TJP2: variants seen among roughly 807,000 people sequenced by gnomAD.
TJP2 encodes the protein tight junction protein 2.
Under a neutral mutation model 133.1 loss-of-function variants are expected in TJP2, and 91 were observed. The ratio of observed to expected loss-of-function variants is 0.68; its 90% CI spans 0.58 to 0.81. The LOEUF is 0.81. Among genes scored for constraint, TJP2 ranks in the 40% least tolerant of loss-of-function variants. TJP2 has a pLI of 0.00. For missense variants in TJP2, 1,541 were observed against 1,565.6 expected (o/e 0.98, Z 0.26); for synonymous variants, 592 against 583.4 (o/e 1.01, Z -0.21).
chr9:69,227,794 T>C lies in TJP2; in HGVS notation c.1240T>C (p.Phe414Leu). Residue 414 changes from phenylalanine to leucine, a missense_variant, in exon 8 of 23, where the codon TTT becomes CTT. Physicochemically the swap from Phe to Leu is conservative, Grantham distance 22 (BLOSUM62 0). Transcript: ENST00000377245. ...DISEIESNRS[F>L]SPEERRHQYS... is the part of the protein sequence containing the mutation. ...TTCAGAAATAGAGTCAAACCGATCA[T>C]TTTCTCCAGAGGAGAGACGTCATCA... 1 of 1,613,182 alleles carries C rather than the reference T, an allele frequency of 6.2e-7. No homozygotes were observed. The highest frequency in any genetic ancestry group is 8.5e-7 in the Non-Finnish European group (1 of 1,179,270).
At chr9:69,172,212 C>T (rs1824727426), upstream of TJP2, among the ~76,000 whole-genome samples, 1 of 152,202 alleles carries the variant, frequency 6.6e-6, no homozygotes, top group South Asian at 2.1e-4. Flanking sequence ...TTTACACTGC[C>T]ACCAGCAAAA....
chr9:69,171,998 T>C (rs1431566903), upstream of TJP2, among the ~76,000 whole-genome samples: 2 of 152,060 alleles, frequency 1.3e-5, no homozygotes, highest in African/African-American at 4.8e-5. Context: ...GGTCTCACCA[T>C]GTTGGCCAGG....
At chr9:69,174,246 G>A, upstream of TJP2, 1 of 1,516,690 alleles carries the variant, frequency 6.6e-7, no homozygotes, top group South Asian at 1.3e-5. Context: ...GGTCCCCGCG[G>A]GTCGGCACCC....
At chr9:69,232,516 T>C (rs1023725069) in intron 11 of TJP2, among the ~76,000 whole-genome samples, 1 of 152,242 alleles carries the variant, frequency 6.6e-6, no homozygotes, top group Admixed American at 6.5e-5. Context: ...TCAATGCTCC[T>C]TTTCATGGCC....
intron 4 of TJP2, 67 bp downstream of exon 4, chr9:69,218,426 C>T (rs1261325289): frequency 1.7e-6 from 2 of 1,177,436 alleles, no homozygotes; most frequent in Admixed American, 3.6e-5. Flanking sequence ...AAGAAAATTA[C>T]CCCTTGCTTT....
chr9:69,251,446 T>C, intron 21 of TJP2, 82 bp downstream of exon 21: 2 of 1,439,716 alleles, frequency 1.4e-6, no homozygotes, highest in Non-Finnish European at 1.9e-6. Context: ...GCCCCTTTGC[T>C]GCTGCTGCAG....
chr9:69,122,285 G>C (rs1024334250), intron 1 of TJP2: 1 of 152,266 alleles, frequency 6.6e-6, no homozygotes, highest in Non-Finnish European at 1.5e-5. Context: ...GACGCGGGCG[G>C]AGCGCGGCGC....
intron 3 of TJP2, 23 bp downstream of exon 3, chr9:69,216,486 C>T: frequency 6.2e-7 from 1 of 1,613,516 alleles, no homozygotes; most frequent in Non-Finnish European, 8.5e-7. Flanking sequence ...CCTCGCTCCG[C>T]AGCCCCTACC....
chr9:69,135,488 T>G (rs1822691142), intron 1 of TJP2, among the ~76,000 whole-genome samples: 1 of 152,170 alleles, frequency 6.6e-6, no homozygotes. Context: ...TCACCCAGGC[T>G]GGAGTACAGT....
At chr9:69,179,195 G>A (rs144914321) in intron 1 of TJP2, among the ~76,000 whole-genome samples, 49 of 152,282 alleles carry the variant, frequency 3.2e-4, no homozygotes, top group African/African-American at 1.1e-3. Context: ...GAAATCCTAA[G>A]CTTTCAATTA....
At chr9:69,247,901 C>T (rs41308892) in intron 18 of TJP2, 111 bp from the exon 19 acceptor site, 146 of 1,052,162 alleles carry the variant, frequency 1.4e-4, no homozygotes, top group Non-Finnish European at 7.7e-5. Flanking sequence ...CCTTCCCTGG[C>T]GAGCACATCA....
chr9:69,248,513 C>T (rs1831094461), intron 19 of TJP2: 12 of 1,293,614 alleles, frequency 9.3e-6, no homozygotes, highest in Non-Finnish European at 1.2e-5. Context: ...GTCCAAATTA[C>T]CAGCGGAACC....
chr9:69,139,723 G>A (rs1822928697), intron 1 of TJP2, among the ~76,000 whole-genome samples: 1 of 152,200 alleles, frequency 6.6e-6, no homozygotes, highest in African/African-American at 2.4e-5. Context: ...TCATGGCACA[G>A]CCACCATCTC....
chr9:69,197,441 G>A (rs1054751004), intron 1 of TJP2, among the ~76,000 whole-genome samples: 1 of 152,088 alleles, frequency 6.6e-6, no homozygotes. Context: ...ATGAACATTT[G>A]TATACAAGTT....
chr9:69,192,579 G>C (rs1826276232), intron 1 of TJP2, among the ~76,000 whole-genome samples: 1 of 152,196 alleles, frequency 6.6e-6, no homozygotes, highest in African/African-American at 2.4e-5. Context: ...TTTGGTGGTG[G>C]TTTGTTGCTC....
chr9:69,248,946 T>C, intron 19 of TJP2: 1 of 990,228 alleles, frequency 1.0e-6, no homozygotes, highest in Non-Finnish European at 1.2e-6. Flanking sequence ...GTAAATGATT[T>C]TTTTCTTTAT....
chr9:69,232,007 GA>G (rs1829820582), intron 11 of TJP2, among the ~76,000 whole-genome samples: 1 of 152,200 alleles, frequency 6.6e-6, no homozygotes, highest in Admixed American at 6.5e-5. Context: ...AAATTTCCGT[GA>G]AGAAAAGTAG....
At position 69,248,498 on chromosome 9, in the gene TJP2, C is replaced by T. The variant is rs954953629; in HGVS notation, c.2880+274C>T. On this transcript the variant is annotated intron_variant, in intron 19 of 22. Coordinates refer to ENST00000377245, the MANE Select transcript of TJP2 (RefSeq NM_004817.4). ...GGATAAACAGAATGGCTTTAGGTGC[C>T]GTCTGTCCAAATTACCAGCGGAACC... 35 of 1,303,680 alleles carry T rather than the reference C, an allele frequency of 2.7e-5. No homozygotes were observed. The East Asian group carries it at 3.9e-4, about 15-fold the overall frequency. 80.8% of individuals were successfully genotyped at this position (1,303,680 alleles called of 1,614,324 possible).
intron 21 of TJP2, 57 bp downstream of exon 21, chr9:69,251,421 A>C: frequency 6.4e-7 from 1 of 1,555,776 alleles, no homozygotes; most frequent in Non-Finnish European, 8.7e-7. Flanking sequence ...TTTGATTTCA[A>C]CATAACAGCG....
Sources: allele counts gnomAD v4.1 joint callset (sites outside exome capture counted in the v4.1 genomes callset), GRCh38; gene constraint gnomAD v4.1.1; transcripts MANE v1.5; gene names NCBI Gene and HGNC (gene_info 2026-07-23, HGNC 2026-07-21).